The following UNC13B variants were observed in gnomAD, a reference collection of about 807,000 sequenced individuals.
UNC13B encodes protein unc-13 homolog B.
Under a neutral mutation model 211.0 loss-of-function variants are expected in UNC13B, and 144 were observed. The observed-to-expected ratio is 0.68, with a 90% CI of 0.60 to 0.78. UNC13B has a LOEUF of 0.78. Among genes scored for constraint, UNC13B ranks in the 30% least tolerant of loss-of-function variants. UNC13B has a pLI of 0.00. For synonymous variants in UNC13B, 709 were observed against 725.8 expected (o/e 0.98, Z 0.37); for missense variants, 1,777 against 2,002.0 (o/e 0.89, Z 2.14).
chr9:35,170,835 C>T (rs1469864575), intron 1 of UNC13B, among the ~76,000 whole-genome samples: 2 of 151,524 alleles, frequency 1.3e-5, no homozygotes, highest in African/African-American at 4.9e-5. Context: ...GAGACAGGTT[C>T]TTATTCTGTT....
chr9:35,243,254 G>C, intron 5 of UNC13B, 37 bp from the exon 6 acceptor site: 1 of 1,595,792 alleles, frequency 6.3e-7, no homozygotes, highest in Non-Finnish European at 8.6e-7. Context: ...ACCTGCTGAT[G>C]TGATTTCTTT....
rs117971252 is a variant in UNC13B at position 35,191,364 on chromosome 9, C to T, written c.22+29059C>T. On this transcript the variant is annotated intron_variant, in intron 1 of 39. Coordinates refer to ENST00000635942, the MANE Select transcript of UNC13B (RefSeq NM_001371189.2). Reference sequence around the variant, plus strand: ...CCAACCAACTCCATTTTGTTTTTAGCCCCTAAGCTGTCCTTGCTCATCACT... The same window carrying T: ...CCAACCAACTCCATTTTGTTTTTAGTCCCTAAGCTGTCCTTGCTCATCACT... Among the ~76,000 whole-genome samples the T allele has an allele frequency of 5.3e-3, 812 of 152,278 alleles. 7 individuals carry two copies. Among genetic ancestry groups the T allele is most frequent in the Non-Finnish European group, 8.3e-3 (567 of 68,016 alleles).
At chr9:35,392,559 G>A (rs763305340) in intron 26 of UNC13B, among the ~76,000 whole-genome samples, 10 of 149,416 alleles carry the variant, frequency 6.7e-5, no homozygotes, top group South Asian at 2.1e-4. Flanking sequence ...ACCAAACACC[G>A]CATATTCTCA....
intron 1 of UNC13B, among the ~76,000 whole-genome samples, chr9:35,221,230 A>T (rs2131459133): frequency 6.6e-6 from 1 of 152,028 alleles, no homozygotes; most frequent in Non-Finnish European, 1.5e-5. Flanking sequence ...CACTATACCC[A>T]GCTGATTTTG....
In UNC13B at chr9:35,377,557, C is replaced by A. The variant is rs575353228; in HGVS notation, c.9925C>A (p.Arg3309=). ...GAAGGACCGCATGAAGATCCGAGAGCGAAATAAGCCAGAGATCTTTGAAGT... is the reference window on the plus strand; with the variant it reads ...GAAGGACCGCATGAAGATCCGAGAGAGAAATAAGCCAGAGATCTTTGAAGT... ...AMKDRMKIRE[R]NKPEIFEVIR... The change falls in exon 16 of 40, where the codon CGA becomes AGA. Residue 3309 remains arginine (R), a synonymous_variant. Coordinates refer to ENST00000635942, the MANE Select transcript of UNC13B (RefSeq NM_001371189.2). 1 of 1,614,196 alleles carries A rather than the reference C, an allele frequency of 6.2e-7. No individual in the cohort carries two copies. Among genetic ancestry groups the A allele is most frequent in the African/African-American group, 1.3e-5 (1 of 75,034 alleles).
chr9:35,173,440 T>TG (rs1189866510), intron 1 of UNC13B, among the ~76,000 whole-genome samples: 3 of 150,136 alleles, frequency 2.0e-5, no homozygotes, highest in Admixed American at 6.7e-5. Context: ...TTTTTTTTTT[T>TG]GGGGACAGAG....
intron 1 of UNC13B, among the ~76,000 whole-genome samples, chr9:35,167,194 C>T (rs1821080967): frequency 6.6e-6 from 1 of 151,958 alleles, no homozygotes; most frequent in Non-Finnish European, 1.5e-5. Context: ...TCCTGTCAGC[C>T]TCCCAAGTAG....
At position 35,399,225 on chromosome 9, in the gene UNC13B, C is replaced by G. The variant is rs772943628; in HGVS notation, c.12139C>G (p.Arg4047Gly). The G allele has an allele frequency of 6.2e-7, 1 of 1,613,996 alleles. No individual in the cohort carries two copies. Among genetic ancestry groups the G allele is most frequent in the South Asian group, 1.1e-5 (1 of 91,078 alleles). Residue 4047 changes from arginine (R) to glycine (G), a missense_variant, in exon 34 of 40, where the codon CGC becomes GGC. Coordinates refer to ENST00000635942, the MANE Select transcript of UNC13B (RefSeq NM_001371189.2). ...GAAGCGTGTACTGAAGGAGCTCTGGCGCGTGGTGATGAACACAATGGAGAG... is the reference window on the plus strand; with the variant it reads ...GAAGCGTGTACTGAAGGAGCTCTGGGGCGTGGTGATGAACACAATGGAGAG... ...VLKRVLKELWRVVMNTMERMI... is the reference protein window; with the variant it reads ...VLKRVLKELWGVVMNTMERMI...
chr9:35,204,251 C>T (rs1304736999), intron 1 of UNC13B, among the ~76,000 whole-genome samples: 1 of 152,252 alleles, frequency 6.6e-6, no homozygotes, highest in Non-Finnish European at 1.5e-5. Flanking sequence ...ATGGAAAAGC[C>T]TGGATGTCCA....
At chr9:35,184,716 G>C (rs1298563529) in intron 1 of UNC13B, among the ~76,000 whole-genome samples, 1 of 138,586 alleles carries the variant, frequency 7.2e-6, no homozygotes, top group African/African-American at 2.7e-5. Flanking sequence ...AAGAAAGAAA[G>C]AAAGAAAGGG....
chr9:35,396,220 A>G (rs1402952938), intron 26 of UNC13B, among the ~76,000 whole-genome samples: 1 of 152,122 alleles, frequency 6.6e-6, no homozygotes. Flanking sequence ...CCACTTCCAA[A>G]CGCTAGAGCA....
chr9:35,178,451 CCGCCACT>C (rs1821756024), intron 1 of UNC13B, among the ~76,000 whole-genome samples: 1 of 151,260 alleles, frequency 6.6e-6, no homozygotes, highest in African/African-American at 2.4e-5. Flanking sequence ...GAGCTGAGAT[CCGCCACT>C]GCACTCCAGT....
intron 9 of UNC13B, 131 bp downstream of exon 9, chr9:35,308,543 T>C: frequency 2.5e-6 from 1 of 396,280 alleles, no homozygotes; most frequent in Non-Finnish European, 4.4e-6. Context: ...CCGAGCTTCA[T>C]GTTAATTAGG....
chr9:35,294,461 C>T (rs1829251649), intron 7 of UNC13B, among the ~76,000 whole-genome samples: 3 of 152,280 alleles, frequency 2.0e-5, no homozygotes, highest in Middle Eastern at 6.8e-3. Context: ...CATCTGCCAT[C>T]ATGCCCGGCT....
chr9:35,381,430 G>T (rs1428596868), intron 19 of UNC13B, 126 bp from the exon 20 acceptor site: 2 of 1,234,796 alleles, frequency 1.6e-6, no homozygotes, highest in Admixed American at 2.6e-5. Flanking sequence ...GAGGAACTGA[G>T]CAATGACTGG....
intron 11 of UNC13B, among the ~76,000 whole-genome samples, chr9:35,349,993 A>G (rs1187652059): frequency 6.6e-6 from 1 of 152,214 alleles, no homozygotes; most frequent in Non-Finnish European, 1.5e-5. Context: ...TCAAATCTAG[A>G]AAATGGGGAA....
At chr9:35,331,525 G>GC (rs1831368332) in intron 11 of UNC13B, among the ~76,000 whole-genome samples, 1 of 152,180 alleles carries the variant, frequency 6.6e-6, no homozygotes, top group African/African-American at 2.4e-5. Context: ...GGTATTACAG[G>GC]CATGTGCCAC....
intron 13 of UNC13B, among the ~76,000 whole-genome samples, chr9:35,374,463 G>A (rs1834262035): frequency 7.3e-6 from 1 of 136,340 alleles, no homozygotes; most frequent in Non-Finnish European, 1.5e-5. Flanking sequence ...TAGCAAGGCA[G>A]CCCCAGCTCT....
chr9:35,342,726 C>G (rs747698725), intron 11 of UNC13B, among the ~76,000 whole-genome samples: 1 of 152,204 alleles, frequency 6.6e-6, no homozygotes. Flanking sequence ...GTATAGACAA[C>G]TCATTCATCC....
Sources: gnomAD v4.1 joint callset for allele counts (sites outside exome capture counted in the v4.1 genomes callset) on GRCh38, gnomAD v4.1.1 for gene constraint, MANE v1.5 for transcripts, NCBI Gene and HGNC (gene_info 2026-07-23, HGNC 2026-07-21) for gene names.